Variants in PHYHIPL observed in about 807,000 individuals in gnomAD.
PHYHIPL encodes the protein phytanoyl-CoA 2-hydroxylase interacting protein like, also known as phytanoyl-CoA hydroxylase-interacting protein-like.
PHYHIPL carries 9 observed loss-of-function variants against 33.4 expected under a neutral mutation model. The ratio of observed to expected loss-of-function variants is 0.27; its 90% CI spans 0.16 to 0.47. The LOEUF is 0.47. Among genes scored for constraint, PHYHIPL ranks in the 20% least tolerant of loss-of-function variants. The pLI is 0.99. For missense variants in PHYHIPL, 365 were observed against 460.7 expected, an observed-to-expected ratio of 0.79 and a Z score of 1.90; for synonymous variants, 153 against 154.1, an observed-to-expected ratio of 0.99 and a Z score of 0.05.
intron 4 of PHYHIPL, among the ~76,000 whole-genome samples, chr10:59,244,562 C>CAAAAAAAA (rs71006239): frequency 0.24 from 9,281 of 39,292 alleles, 3,054 homozygotes; most frequent in East Asian, 0.37. Flanking sequence ...GACTCTGTCT[C>CAAAAAAAA]AAAAAAAAAA....
At chr10:59,212,458 A>G (rs1413197536) in intron 1 of PHYHIPL, among the ~76,000 whole-genome samples, 1 of 152,222 alleles carries the variant, frequency 6.6e-6, no homozygotes, top group East Asian at 1.9e-4. Flanking sequence ...TTGTGTAACA[A>G]GTAGCCCAGT....
chr10:59,226,050 G>C (rs1839913703), intron 1 of PHYHIPL, among the ~76,000 whole-genome samples: 1 of 151,998 alleles, frequency 6.6e-6, no homozygotes, highest in Non-Finnish European at 1.5e-5. Flanking sequence ...ATTCTGATTT[G>C]TGTTCTCAAT....
intron 1 of PHYHIPL, among the ~76,000 whole-genome samples, chr10:59,195,530 G>T (rs569121785): frequency 6.6e-6 from 1 of 152,320 alleles, no homozygotes; most frequent in South Asian, 2.1e-4. Flanking sequence ...TCACCTCTGT[G>T]TCCTATGTCT....
chr10:59,206,065 C>T (rs530270928), intron 1 of PHYHIPL, among the ~76,000 whole-genome samples: 10 of 152,218 alleles, frequency 6.6e-5, no homozygotes, highest in Admixed American at 1.3e-4. Flanking sequence ...TTTGATCAAG[C>T]GCCTTCTTAT....
intron 1 of PHYHIPL, among the ~76,000 whole-genome samples, chr10:59,204,995 G>T (rs765692644): frequency 2.0e-5 from 3 of 151,828 alleles, no homozygotes; most frequent in Non-Finnish European, 1.5e-5. Flanking sequence ...CTCCCAAGTG[G>T]CTGGGATTAC....
intron 1 of PHYHIPL, among the ~76,000 whole-genome samples, chr10:59,187,124 T>A (rs1838630310): frequency 6.6e-6 from 1 of 152,208 alleles, no homozygotes; most frequent in South Asian, 2.1e-4. Context: ...TCTTATTATT[T>A]TGAGATACGT....
chr10:59,174,093 C>A (rs7073307), upstream of PHYHIPL, among the ~76,000 whole-genome samples: 1,829 of 151,830 alleles, frequency 0.012, 39 homozygotes, highest in African/African-American at 0.042. Flanking sequence ...AGCCTGATAT[C>A]TTCCCAGATA....
At chr10:59,219,542 A>G (rs1039770360) in intron 1 of PHYHIPL, among the ~76,000 whole-genome samples, 10 of 152,178 alleles carry the variant, frequency 6.6e-5, no homozygotes, top group African/African-American at 2.4e-4. Context: ...ATATTTGTTG[A>G]TAAAGTAAGA....
At chr10:59,184,465 T>G (rs1273419546) in intron 1 of PHYHIPL, among the ~76,000 whole-genome samples, 1 of 151,980 alleles carries the variant, frequency 6.6e-6, no homozygotes, top group Non-Finnish European at 1.5e-5. Context: ...TCATCTTACT[T>G]TTATATATTT....
intron 1 of PHYHIPL, among the ~76,000 whole-genome samples, chr10:59,210,137 C>A (rs936247226): frequency 3.3e-5 from 5 of 152,140 alleles, no homozygotes; most frequent in African/African-American, 9.7e-5. Flanking sequence ...TCAGAGTGAA[C>A]AGGCAACCTA....
upstream of PHYHIPL, among the ~76,000 whole-genome samples, chr10:59,174,615 G>C (rs917494275): frequency 6.6e-6 from 1 of 152,220 alleles, no homozygotes; most frequent in African/African-American, 2.4e-5. Context: ...TACCCAGAAA[G>C]TGACATTAAT....
intron 1 of PHYHIPL, among the ~76,000 whole-genome samples, chr10:59,217,646 A>G (rs1839654920): frequency 6.6e-6 from 1 of 151,772 alleles, no homozygotes; most frequent in Non-Finnish European, 1.5e-5. Flanking sequence ...GGCAAGTGTG[A>G]AGAAAATATA....
chr10:59,178,052 T>C (rs1048501726), intron 1 of PHYHIPL, among the ~76,000 whole-genome samples: 1 of 152,190 alleles, frequency 6.6e-6, no homozygotes, highest in Non-Finnish European at 1.5e-5. Context: ...TTTATCAGCC[T>C]AATCCAAATA....
intron 4 of PHYHIPL, among the ~76,000 whole-genome samples, chr10:59,242,118 C>T (rs1840420939): frequency 6.6e-6 from 1 of 152,204 alleles, no homozygotes; most frequent in Non-Finnish European, 1.5e-5. Flanking sequence ...CTTCCATCCT[C>T]TGCTAGGGTG....
At chr10:59,178,737 A>C (rs2133172579) in intron 1 of PHYHIPL, among the ~76,000 whole-genome samples, 1 of 152,302 alleles carries the variant, frequency 6.6e-6, no homozygotes, top group East Asian at 1.9e-4. Context: ...AATGAAGTTC[A>C]CAGAGTTAAG....
intron 4 of PHYHIPL, among the ~76,000 whole-genome samples, chr10:59,244,563 A>AAAAAAAAAAC (rs1840568777): frequency 2.3e-5 from 1 of 42,872 alleles, no homozygotes. Context: ...ACTCTGTCTC[A>AAAAAAAAAAC]AAAAAAAAAA....
At position 59,245,717 on chromosome 10, in the gene PHYHIPL, C is replaced by A; in HGVS notation, c.*126C>A. ...CACATGCCACTGTCACCAAAACAAACAACTACCACTTTCCAAATTTCATTC... is the reference window on the plus strand; with the variant it reads ...CACATGCCACTGTCACCAAAACAAAAAACTACCACTTTCCAAATTTCATTC... On this transcript the variant is annotated 3_prime_UTR_variant, in exon 5 of 5. Transcript: ENST00000373880. 2.9e-6 allele frequency: 3 copies of A among 1,050,730 alleles called. No individual in the cohort carries two copies. The highest frequency in any genetic ancestry group is 2.7e-6 in the Non-Finnish European group (2 of 740,540). 65.1% of individuals were successfully genotyped at this position (1,050,730 alleles called of 1,614,324 possible). A position where few individuals can be genotyped will look rare whatever the true frequency, so the allele number is the denominator to read the frequency against.
intron 1 of PHYHIPL, among the ~76,000 whole-genome samples, chr10:59,201,567 G>T (rs551209770): frequency 6.6e-6 from 1 of 152,034 alleles, no homozygotes; most frequent in Non-Finnish European, 1.5e-5. Context: ...GTAGATGTCT[G>T]TTAGGTCCGC....
intron 1 of PHYHIPL, among the ~76,000 whole-genome samples, chr10:59,180,767 A>T (rs936854912): frequency 6.6e-6 from 1 of 152,202 alleles, no homozygotes; most frequent in African/African-American, 2.4e-5. Context: ...ATTATAAGTC[A>T]ATTAAGACCT....
Sources: gnomAD v4.1 joint callset for allele counts (sites outside exome capture counted in the v4.1 genomes callset) on GRCh38, gnomAD v4.1.1 for gene constraint, MANE v1.5 for transcripts, NCBI Gene and HGNC (gene_info 2026-07-23, HGNC 2026-07-21) for gene names.